Variants in PPL observed in about 807,000 individuals in gnomAD.
PPL encodes the protein 190 kDa paraneoplastic pemphigus antigen.
PPL carries 198 observed loss-of-function variants against 194.4 expected under a neutral mutation model. That is an observed-to-expected ratio of 1.02 (90% CI 0.91 to 1.15). The LOEUF (loss-of-function observed/expected upper bound fraction) is 1.15, where lower values mean the gene tolerates loss of function less well. PPL is among the 50% of genes most tolerant of loss of function. The probability of loss-of-function intolerance (pLI) is 0.00; values close to 1 mark genes in which losing one functional copy is unlikely to be tolerated. For synonymous variants in PPL, 1,220 were observed against 972.4 expected (o/e 1.25, Z -4.74); for missense variants, 2,885 against 2,294.8 (o/e 1.26, Z -5.25).
At chr16:4,916,233 G>C (rs1306717848) in intron 1 of PPL, among the ~76,000 whole-genome samples, 1 of 152,034 alleles carries the variant, frequency 6.6e-6, no homozygotes, top group African/African-American at 2.4e-5. Flanking sequence ...ATTTTTTTGA[G>C]ACAGGGTCTC....
chr16:4,909,625 C>G (rs1269104881), intron 2 of PPL, among the ~76,000 whole-genome samples: 1 of 151,912 alleles, frequency 6.6e-6, no homozygotes, highest in African/African-American at 2.4e-5. Context: ...TGAGGTTTCA[C>G]CACATTGGCC....
At chr16:4,887,071 CAG>C (rs1249622479) in intron 21 of PPL, 62 bp downstream of exon 21, 5 of 1,313,144 alleles carry the variant, frequency 3.8e-6, no homozygotes, top group African/African-American at 2.9e-5. Context: ...TTCTCTAAGA[CAG>C]AGTCTGTATT....
In PPL at chr16:4,883,267, G is replaced by A; in HGVS notation, c.*117C>T. On this transcript the variant is annotated 3_prime_UTR_variant, in exon 22 of 22. Coordinates refer to ENST00000345988, the MANE Select transcript of PPL (RefSeq NM_002705.5). This position sits in a 1 kb window ranked among gnomAD's most constrained non-coding sequence, Gnocchi z 4.8. ...GGACTCTGAGCAGCCTGGCAGCGAG[G>A]GTATGTATAAAATGCTTGGCCTGCA... is the stretch of plus-strand genomic sequence containing the variant. The A allele has an allele frequency of 1.4e-6, 2 of 1,404,504 alleles. No individual in the cohort carries two copies. Among genetic ancestry groups the A allele is most frequent in the Non-Finnish European group, 2.0e-6 (2 of 1,023,396 alleles). 87.0% of individuals were successfully genotyped at this position (1,404,504 alleles called of 1,614,324 possible).
intron 1 of PPL, among the ~76,000 whole-genome samples, chr16:4,913,212 C>A (rs1023924671): frequency 6.6e-6 from 1 of 152,188 alleles, no homozygotes; most frequent in Non-Finnish European, 1.5e-5. Context: ...CCCCGTCCCC[C>A]AGAACCACAG....
intron 19 of PPL, among the ~76,000 whole-genome samples, 183 bp from the exon 20 acceptor site, chr16:4,888,401 A>G (rs958822439): frequency 1.1e-4 from 17 of 152,188 alleles, no homozygotes; most frequent in Admixed American, 1.1e-3. Context: ...AGAATTACTG[A>G]TATCTCAGCA....
chr16:4,926,895 A>AAAAC (rs2089165303), intron 1 of PPL, among the ~76,000 whole-genome samples: 2 of 141,970 alleles, frequency 1.4e-5, no homozygotes, highest in Non-Finnish European at 3.1e-5. Flanking sequence ...AAAAAAAACA[A>AAAAC]AAAAAAACCA....
chr16:4,910,441 C>T (rs1004753976), intron 2 of PPL, among the ~76,000 whole-genome samples: 2 of 152,172 alleles, frequency 1.3e-5, no homozygotes, highest in African/African-American at 4.8e-5. Context: ...TGTCCAAGGT[C>T]ACCCAGCAAG....
chr16:4,883,631 T>C lies in PPL; in HGVS notation c.5024A>G (p.His1675Arg). 1 of 1,614,176 alleles carries C rather than the reference T, an allele frequency of 6.2e-7. No individual in the cohort carries two copies. Among genetic ancestry groups the C allele is most frequent in the Non-Finnish European group, 8.5e-7 (1 of 1,180,018 alleles). The change falls in exon 22 of 22, where the codon CAC becomes CGC. Residue 1675 changes from histidine (H) to arginine (R), a missense_variant. Transcript: ENST00000345988. This position sits in a 1 kb window ranked among gnomAD's most constrained non-coding sequence, Gnocchi z 4.8. ...TGRELSPEEAHRAGLIDWNMF... is the reference protein window; with the variant it reads ...TGRELSPEEARRAGLIDWNMF... ...GTTCCAGTCAATGAGCCCGGCACGG[T>C]GGGCTTCCTCCGGGGACAGCTCGCG...
chr16:4,885,448 C>T lies in PPL; in HGVS notation c.3207G>A (p.Glu1069=). 6 of 1,612,580 alleles carry T rather than the reference C, an allele frequency of 3.7e-6. No homozygotes were observed. Among genetic ancestry groups the T allele is most frequent in the Non-Finnish European group, 5.1e-6 (6 of 1,179,974 alleles). ...KLQNDPQLEA[E]YQQLQEDHQR... is the part of the protein sequence containing the mutation. Reference sequence around the variant, plus strand: ...GGTGGTCCTCCTGCAGCTGCTGGTACTCTGCCTCCAGCTGGGGGTCATTCT... The same window carrying T: ...GGTGGTCCTCCTGCAGCTGCTGGTATTCTGCCTCCAGCTGGGGGTCATTCT... The change falls in exon 22 of 22, where the codon GAG becomes GAA. Residue 1069 remains glutamate (E), a synonymous_variant. Transcript: ENST00000345988. The surrounding 1 kb of genome is among the most constrained non-coding windows in gnomAD (Gnocchi z 6.3).
At chr16:4,900,382 C>T (rs1256521360) in intron 6 of PPL, among the ~76,000 whole-genome samples, 2 of 150,642 alleles carry the variant, frequency 1.3e-5, no homozygotes, top group East Asian at 1.9e-4. Context: ...AAGGCTGGGG[C>T]ACCTCTCTTC....
intron 1 of PPL, among the ~76,000 whole-genome samples, chr16:4,930,424 A>T (rs1046609422): frequency 2.0e-5 from 3 of 152,150 alleles, no homozygotes; most frequent in African/African-American, 7.2e-5. Flanking sequence ...TGCCCCATTC[A>T]TCCCCACCTC....
intron 2 of PPL, among the ~76,000 whole-genome samples, chr16:4,908,422 TTCTCTC>T (rs58737308): frequency 1.3e-4 from 19 of 148,284 alleles, no homozygotes; most frequent in Non-Finnish European, 1.4e-4. Flanking sequence ...TCTTCCTTCT[TTCTCTC>T]TCTCTCTCTC....
intron 1 of PPL, among the ~76,000 whole-genome samples, chr16:4,915,221 C>T (rs1201009602): frequency 6.6e-6 from 1 of 152,208 alleles, no homozygotes; most frequent in African/African-American, 2.4e-5. Flanking sequence ...GGGGCAATGA[C>T]CACTGCCTCA....
chr16:4,884,775 C>T lies in PPL; in HGVS notation c.3880G>A (p.Glu1294Lys), dbSNP rs1484544985. ...GGGTCTTCTTGGAATTGGAGGATCT[C>T]CTGGACCACCTCTTTGGTCTGGACC... ...PQVQTKEVVQ[E>K]ILQFQEDPQT... The change falls in exon 22 of 22, where the codon GAG becomes AAG. Residue 1294 changes from glutamate (E) to lysine (K), a missense_variant. Transcript: ENST00000345988. This position sits in a 1 kb window ranked among gnomAD's most constrained non-coding sequence, Gnocchi z 5.7. The T allele has an allele frequency of 2.5e-6, 4 of 1,614,044 alleles. No homozygotes were observed. Among genetic ancestry groups the T allele is most frequent in the Non-Finnish European group, 3.4e-6 (4 of 1,180,046 alleles).
Position 4,900,712 on chromosome 16 carries a change from G to A in PPL, c.606+118C>T, listed in dbSNP as rs541373143. On this transcript the variant is annotated intron_variant, in intron 6 of 21. Coordinates refer to ENST00000345988, the MANE Select transcript of PPL (RefSeq NM_002705.5). ...CTCTGCCTCCCAAAGTGCTAGGCGT[G>A]AGCCACCATGCCCAGCTGCCTATGT... 3.7e-5 allele frequency: 53 copies of A among 1,415,998 alleles called. No individual in the cohort carries two copies. In the South Asian group the frequency reaches 6.1e-4, roughly 16 times the overall value. The allele number at this position is 1,415,998 out of a possible 1,614,324, so 87.7% of individuals were successfully genotyped here.
intron 18 of PPL, among the ~76,000 whole-genome samples, 177 bp from the exon 19 acceptor site, chr16:4,889,238 G>GTTGGTTTTTTTTTTT (rs1596545589): frequency 4.6e-5 from 1 of 21,788 alleles, no homozygotes. Flanking sequence ...TTTTGTTGTT[G>GTTGGTTTTTTTTTTT]TTGTTTTTTT....
At chr16:4,908,563 G>A (rs1321380944) in intron 2 of PPL, among the ~76,000 whole-genome samples, 2 of 148,988 alleles carry the variant, frequency 1.3e-5, no homozygotes, top group Non-Finnish European at 3.0e-5. Context: ...ATTGAGGCAG[G>A]GTGTCCCTCT....
In PPL at chr16:4,910,812, C is replaced by G. The variant is rs760357451; in HGVS notation, c.162+38G>C. 7.7e-6 allele frequency: 12 copies of G among 1,560,344 alleles called. No individual in the cohort carries two copies. In the South Asian group the frequency reaches 1.3e-4, roughly 17 times the overall value. On this transcript the variant is annotated intron_variant, in intron 2 of 21. Transcript: ENST00000345988. The stretch of plus-strand genomic sequence containing the variant: ...CTGGTCCTGAACAGGGCTGGCAGCA[C>G]GGGGCACCCAGGTGGGAGTGGGAGT...
chr16:4,885,644 C>T lies in PPL; in HGVS notation c.3011G>A (p.Arg1004Lys), dbSNP rs1304674403. The T allele has an allele frequency of 5.0e-6, 8 of 1,612,914 alleles. No homozygotes were observed. The South Asian group carries it at 8.8e-5, about 18-fold the overall frequency. ...CTGCAAGACCTCATCCGCCTGGGCC[C>T]TGTCAGGCTCGATGCGCAGGACCTC... is the stretch of plus-strand genomic sequence containing the variant. ...VKEVLRIEPDRAQADEVLQLR... is the reference protein window; with the variant it reads ...VKEVLRIEPDKAQADEVLQLR... Residue 1004 changes from arginine to lysine, a missense_variant, in exon 22 of 22, where the codon AGG becomes AAG. Coordinates refer to ENST00000345988, the MANE Select transcript of PPL (RefSeq NM_002705.5). This position sits in a 1 kb window ranked among gnomAD's most constrained non-coding sequence, Gnocchi z 6.3.
Sources: allele counts gnomAD v4.1 joint callset (sites outside exome capture counted in the v4.1 genomes callset), GRCh38; gene constraint gnomAD v4.1.1; non-coding constraint Gnocchi (gnomAD v3.1); transcripts MANE v1.5; gene names NCBI Gene and HGNC (gene_info 2026-07-23, HGNC 2026-07-21).